The following DPY19L3 variants were observed in gnomAD, a reference collection of about 807,000 sequenced individuals.
DPY19L3 encodes protein C-mannosyl-transferase DPY19L3.
In DPY19L3, 51 loss-of-function variants were observed where a neutral mutation model predicts 92.3. That is an observed-to-expected ratio of 0.55 (90% confidence interval 0.44 to 0.70). The LOEUF is 0.70. Among genes scored for constraint, DPY19L3 ranks in the 30% least tolerant of loss-of-function variants. The pLI, the probability that DPY19L3 is intolerant of heterozygous loss-of-function variation, is 0.00. For synonymous variants in DPY19L3, 309 were observed against 315.2 expected, an observed-to-expected ratio of 0.98 and a Z score of 0.21; for missense variants, 706 against 855.9, an observed-to-expected ratio of 0.82 and a Z score of 2.18.
chr19:32,470,118 G>A (rs772297771), intron 16 of DPY19L3, among the ~76,000 whole-genome samples: 1 of 152,244 alleles, frequency 6.6e-6, no homozygotes, highest in Non-Finnish European at 1.5e-5. Flanking sequence ...CCTAATGTCG[G>A]ACTGGGTTTG....
intron 12 of DPY19L3, among the ~76,000 whole-genome samples, chr19:32,458,823 C>G (rs1343302058): frequency 1.3e-5 from 2 of 152,174 alleles, no homozygotes; most frequent in African/African-American, 4.8e-5. Flanking sequence ...AGTACTTACT[C>G]TACAGGATAT....
At chr19:32,448,271 C>T (rs1051168145) in intron 8 of DPY19L3, among the ~76,000 whole-genome samples, 1 of 152,092 alleles carries the variant, frequency 6.6e-6, no homozygotes, top group African/African-American at 2.4e-5. Context: ...TAATGTTAAA[C>T]AGATATTAAC....
At chr19:32,410,037 A>T (rs1392633409) in intron 2 of DPY19L3, among the ~76,000 whole-genome samples, 1 of 152,180 alleles carries the variant, frequency 6.6e-6, no homozygotes, top group East Asian at 1.9e-4. Context: ...GAGAGGCACC[A>T]ATTTATTCTT....
In DPY19L3 at chr19:32,463,374, C is replaced by A. The variant is rs1242444989; in HGVS notation, c.1331C>A (p.Thr444Lys). ...VVAFHNLSDS[T>K]NQQSVGKMEK... ...GTTGCTGTTTTACTCAGTGATTCTACAAATCAACAATCCGTGGGTAAAATG... is the reference window on the plus strand; with the variant it reads ...GTTGCTGTTTTACTCAGTGATTCTAAAAATCAACAATCCGTGGGTAAAATG... The change falls in exon 13 of 19, where the codon ACA becomes AAA. Residue 444 changes from threonine to lysine, a missense_variant. Physicochemically the swap from Thr to Lys is moderately conservative, Grantham distance 78. Coordinates refer to ENST00000392250, the MANE Select transcript of DPY19L3 (RefSeq NM_001172774.2). 4 of 1,613,448 alleles carry A rather than the reference C, an allele frequency of 2.5e-6. No individual in the cohort carries two copies. The African/African-American group carries it at 5.3e-5, about 22-fold the overall frequency.
chr19:32,468,919 G>A lies in DPY19L3; in HGVS notation c.1697+106G>A, dbSNP rs557003023. The A allele has an allele frequency of 2.6e-4, 291 of 1,102,666 alleles. 1 individual carries two copies. Among genetic ancestry groups the A allele is most frequent in the Non-Finnish European group, 3.3e-4 (258 of 793,150 alleles). 68.3% of individuals were successfully genotyped at this position (1,102,666 alleles called of 1,614,324 possible). The stretch of plus-strand genomic sequence containing the variant: ...TTTGTTTGTTTCTGAATCTAATTAC[G>A]AAGAAACATTCGTCCTTACTAGATT... On this transcript the variant is annotated intron_variant, in intron 16 of 18. Coordinates refer to ENST00000392250, the MANE Select transcript of DPY19L3 (RefSeq NM_001172774.2).
In DPY19L3 at chr19:32,458,538, C is replaced by G. The variant is rs765736775; in HGVS notation, c.1322+29C>G. On this transcript the variant is annotated intron_variant, in intron 12 of 18. Transcript: ENST00000392250. ...TGGTATATTTCAGAAATCTAATGCT[C>G]TCCTTTAATGAACTTGTTCCATGTT... 6.3e-5 allele frequency: 100 copies of G among 1,584,604 alleles called. No individual in the cohort carries two copies. In the Middle Eastern group the frequency reaches 8.5e-4, roughly 13 times the overall value.
At chr19:32,437,519 C>T (rs1238862241) in intron 6 of DPY19L3, among the ~76,000 whole-genome samples, 180 bp downstream of exon 6, 1 of 152,174 alleles carries the variant, frequency 6.6e-6, no homozygotes, top group Non-Finnish European at 1.5e-5. Flanking sequence ...GTGCTACTTA[C>T]ATGTAATTCC....
At chr19:32,473,521 C>A (rs1448086478) in intron 16 of DPY19L3, among the ~76,000 whole-genome samples, 1 of 152,226 alleles carries the variant, frequency 6.6e-6, no homozygotes, top group East Asian at 1.9e-4. Context: ...TCCCTTCTCC[C>A]TTTGCCTGCT....
At chr19:32,415,310 C>T (rs1005369598) in intron 3 of DPY19L3, among the ~76,000 whole-genome samples, 1 of 152,038 alleles carries the variant, frequency 6.6e-6, no homozygotes, top group Non-Finnish European at 1.5e-5. Context: ...GTTAAGTAGA[C>T]CTGAAGGATG....
At chr19:32,450,515 C>G (rs963324600) in intron 8 of DPY19L3, among the ~76,000 whole-genome samples, 1 of 152,044 alleles carries the variant, frequency 6.6e-6, no homozygotes. Flanking sequence ...CAGTGTAGTC[C>G]GGCTGTGCAA....
At chr19:32,420,483 C>G (rs762498625) in intron 3 of DPY19L3, among the ~76,000 whole-genome samples, 5 of 151,870 alleles carry the variant, frequency 3.3e-5, no homozygotes, top group African/African-American at 4.8e-5. Context: ...GTCTCACTGT[C>G]GCCCAGGCTG....
chr19:32,450,550 G>A (rs866464791), intron 8 of DPY19L3, among the ~76,000 whole-genome samples: 2 of 152,138 alleles, frequency 1.3e-5, no homozygotes, highest in Non-Finnish European at 2.9e-5. Context: ...CAATAAAAAA[G>A]AATGTTGATA....
intron 16 of DPY19L3, among the ~76,000 whole-genome samples, chr19:32,475,755 G>A (rs1284794804): frequency 6.6e-6 from 1 of 152,206 alleles, no homozygotes; most frequent in African/African-American, 2.4e-5. Flanking sequence ...CTCTGACCAT[G>A]TGGGACAGAA....
intron 1 of DPY19L3, among the ~76,000 whole-genome samples, chr19:32,407,267 C>CG (rs994393297): frequency 2.2e-4 from 27 of 121,132 alleles, no homozygotes; most frequent in African/African-American, 7.0e-4. Context: ...CTCCTGCTCC[C>CG]CCCCACCCAT....
At chr19:32,446,428 G>T (rs1247034556) in intron 8 of DPY19L3, among the ~76,000 whole-genome samples, 1 of 152,132 alleles carries the variant, frequency 6.6e-6, no homozygotes, top group Non-Finnish European at 1.5e-5. Flanking sequence ...TAATTAAAGA[G>T]ATGGCAGGGT....
At chr19:32,438,868 C>T (rs1442703619) in intron 6 of DPY19L3, 1 of 359,870 alleles carries the variant, frequency 2.8e-6, no homozygotes, top group African/African-American at 2.1e-5. Context: ...CTAACCTGGG[C>T]TTGAACCCTA....
rs571142283 is a variant in DPY19L3 at position 32,480,649 on chromosome 19, G to A, written c.1989+92G>A. ...GAATGTGAATCTTTTTATCCTTAATGTCTAGTTGAATTACGCTACGAATCA... is the reference window on the plus strand; with the variant it reads ...GAATGTGAATCTTTTTATCCTTAATATCTAGTTGAATTACGCTACGAATCA... On this transcript the variant is annotated intron_variant, in intron 18 of 18. Coordinates refer to ENST00000392250, the MANE Select transcript of DPY19L3 (RefSeq NM_001172774.2). 41 of 1,419,580 alleles carry A rather than the reference G, an allele frequency of 2.9e-5. No homozygotes were observed. In the East Asian group the frequency reaches 8.7e-4, roughly 30 times the overall value. The allele number at this position is 1,419,580 out of a possible 1,614,324, so 87.9% of individuals were successfully genotyped here. A position where few individuals can be genotyped will look rare whatever the true frequency, so the allele number is the denominator to read the frequency against.
chr19:32,418,364 C>T (rs1006724885), intron 3 of DPY19L3, among the ~76,000 whole-genome samples: 7 of 152,172 alleles, frequency 4.6e-5, no homozygotes, highest in African/African-American at 1.2e-4. Context: ...TGCTTAGATT[C>T]GCTAGATCAG....
chr19:32,478,590 A>G (rs1485319323), intron 17 of DPY19L3, among the ~76,000 whole-genome samples: 1 of 152,172 alleles, frequency 6.6e-6, no homozygotes, highest in African/African-American at 2.4e-5. Flanking sequence ...CTCCTTCCAC[A>G]GGTATTTCAC....
Sources: allele counts gnomAD v4.1 joint callset (sites outside exome capture counted in the v4.1 genomes callset), GRCh38; gene constraint gnomAD v4.1.1; transcripts MANE v1.5; gene names NCBI Gene and HGNC (gene_info 2026-07-23, HGNC 2026-07-21).